MYH11: variants seen among roughly 807,000 people sequenced by gnomAD.
The protein encoded by MYH11 is myosin heavy chain 11, also known as myosin-11.
MYH11 carries 80 observed loss-of-function variants against 246.6 expected under a neutral mutation model. The observed-to-expected ratio is 0.32, with a 90% CI of 0.27 to 0.39. The LOEUF (loss-of-function observed/expected upper bound fraction) is 0.39, where lower values mean the gene tolerates loss of function less well. Ranked by LOEUF, MYH11 falls within the 10% of genes least tolerant of loss-of-function variation. The pLI, the probability that MYH11 is intolerant of heterozygous loss-of-function variation, is 1.00. For synonymous variants in MYH11, 1,071 were observed against 1,015.5 expected (o/e 1.05, Z -1.04); for missense variants, 2,158 against 2,546.8 (o/e 0.85, Z 3.29).
chr16:15,742,587 C>T (rs1023609240), intron 20 of MYH11, among the ~76,000 whole-genome samples: 1 of 151,844 alleles, frequency 6.6e-6, no homozygotes, highest in African/African-American at 2.4e-5. Flanking sequence ...AACAAGTAAC[C>T]AGGCATGGTG....
intron 4 of MYH11, among the ~76,000 whole-genome samples, chr16:15,797,517 T>C (rs1261713220): frequency 6.7e-6 from 1 of 149,486 alleles, no homozygotes; most frequent in Non-Finnish European, 1.5e-5. Context: ...GATTATAGCT[T>C]TAGTTGCTTC....
At chr16:15,708,908 T>A in intron 40 of MYH11, 1 of 1,444,074 alleles carries the variant, frequency 6.9e-7, no homozygotes, top group Non-Finnish European at 9.6e-7. Flanking sequence ...TTAAGTATAT[T>A]CTTAATTGTT....
At chr16:15,725,677 AC>A (rs2040719294) in intron 28 of MYH11, 2 of 399,008 alleles carry the variant, frequency 5.0e-6, no homozygotes, top group Admixed American at 4.4e-5. Flanking sequence ...TGAGAAAAAA[AC>A]ATCTCACTTA....
intron 2 of MYH11, 37 bp downstream of exon 2, chr16:15,837,871 G>T: frequency 5.8e-6 from 9 of 1,553,246 alleles, no homozygotes; most frequent in Non-Finnish European, 8.9e-7. Context: ...TTCCTTATGA[G>T]GCCAGGAGTA....
intron 26 of MYH11, among the ~76,000 whole-genome samples, chr16:15,734,183 A>T (rs1284465227): frequency 6.6e-6 from 1 of 152,232 alleles, no homozygotes; most frequent in African/African-American, 2.4e-5. Context: ...TTTAACACAA[A>T]AGTGATACAC....
At chr16:15,793,720 C>T (rs543169414) in intron 4 of MYH11, among the ~76,000 whole-genome samples, 117 of 148,886 alleles carry the variant, frequency 7.9e-4, no homozygotes, top group African/African-American at 2.6e-3. Flanking sequence ...CCCAGGTTCA[C>T]GCCATTCTCC....
chr16:15,824,104 T>C (rs906322341), intron 2 of MYH11, among the ~76,000 whole-genome samples: 1 of 136,686 alleles, frequency 7.3e-6, no homozygotes, highest in Non-Finnish European at 1.6e-5. Flanking sequence ...CTGACAATCA[T>C]ATTAAATGCT....
intron 4 of MYH11, among the ~76,000 whole-genome samples, chr16:15,794,884 A>G (rs1414519919): frequency 6.6e-6 from 1 of 152,236 alleles, no homozygotes; most frequent in East Asian, 1.9e-4. Flanking sequence ...CAGGAAGTGA[A>G]GAGGGAAGAG....
At chr16:15,842,173 G>T (rs2044069717) in intron 1 of MYH11, among the ~76,000 whole-genome samples, 1 of 152,194 alleles carries the variant, frequency 6.6e-6, no homozygotes, top group Admixed American at 6.6e-5. Flanking sequence ...GAACACCTGA[G>T]GTCAGGAGTT....
intron 16 of MYH11, 149 bp downstream of exon 16, chr16:15,749,989 G>A: frequency 1.0e-6 from 1 of 976,368 alleles, no homozygotes; most frequent in Admixed American, 2.3e-5. Flanking sequence ...TCCAGGGATG[G>A]GGAATGGGTC....
chr16:15,738,698 G>A lies in MYH11; in HGVS notation c.2998-10C>T. Reference sequence around the variant, plus strand: ...CAAGGAGTTTTCGTTCCTTTTTGGGGAAAGAGAAAGAGATAGCTTTAGGAT... The same window carrying A: ...CAAGGAGTTTTCGTTCCTTTTTGGGAAAAGAGAAAGAGATAGCTTTAGGAT... On this transcript the variant is annotated splice_polypyrimidine_tract_variant and intron_variant, in intron 23 of 40. Transcript: ENST00000300036. 1 of 1,613,008 alleles carries A rather than the reference G, an allele frequency of 6.2e-7. No homozygotes were observed. Among genetic ancestry groups the A allele is most frequent in the Non-Finnish European group, 8.5e-7 (1 of 1,179,336 alleles).
intron 27 of MYH11, among the ~76,000 whole-genome samples, chr16:15,729,964 G>A (rs987733899): frequency 1.4e-4 from 22 of 152,146 alleles, no homozygotes; most frequent in African/African-American, 5.1e-4. Flanking sequence ...GGGATTATAA[G>A]CATGAGCCAC....
intron 3 of MYH11, among the ~76,000 whole-genome samples, chr16:15,821,125 G>T (rs2151356817): frequency 6.6e-6 from 1 of 152,328 alleles, no homozygotes; most frequent in South Asian, 2.1e-4. Flanking sequence ...ACCCATCTGG[G>T]CTTCCCAAAG....
intron 3 of MYH11, among the ~76,000 whole-genome samples, chr16:15,817,081 G>A (rs886267657): frequency 2.0e-5 from 3 of 152,182 alleles, no homozygotes; most frequent in Admixed American, 6.5e-5. Flanking sequence ...ATATCTCTAG[G>A]AGAAAACCTC....
chr16:15,829,435 G>A (rs2043667712), intron 2 of MYH11, among the ~76,000 whole-genome samples: 1 of 152,172 alleles, frequency 6.6e-6, no homozygotes, highest in Non-Finnish European at 1.5e-5. Context: ...GACTGGTGCA[G>A]GCAGCCGCAC....
intron 1 of MYH11, among the ~76,000 whole-genome samples, chr16:15,850,307 C>T (rs565799417): frequency 1.3e-5 from 2 of 152,148 alleles, no homozygotes; most frequent in South Asian, 4.1e-4. Flanking sequence ...ATCGCTTGAA[C>T]CCAGGAGGTG....
intron 40 of MYH11, chr16:15,711,117 C>CAG (rs2039766997): frequency 1.3e-5 from 2 of 152,390 alleles, no homozygotes; most frequent in East Asian, 3.9e-4. Context: ...GCTCACCATG[C>CAG]AGCGAGTGGG....
chr16:15,782,564 C>T, intron 5 of MYH11, 87 bp from the exon 6 acceptor site: 2 of 1,046,982 alleles, frequency 1.9e-6, no homozygotes, highest in Non-Finnish European at 3.0e-6. Context: ...CAAAACTCTG[C>T]CCTTAACCCA....
At chr16:15,779,313 A>T (rs1000407407) in intron 6 of MYH11, 23 of 244,720 alleles carry the variant, frequency 9.4e-5, no homozygotes, top group African/African-American at 4.3e-4. Flanking sequence ...TAATTTTTAA[A>T]TTTTTTTTTG....
Sources: gnomAD v4.1 joint callset for allele counts (sites outside exome capture counted in the v4.1 genomes callset) on GRCh38, gnomAD v4.1.1 for gene constraint, MANE v1.5 for transcripts, NCBI Gene and HGNC (gene_info 2026-07-23, HGNC 2026-07-21) for gene names.